ST8SIA5: variants seen among roughly 807,000 people sequenced by gnomAD.
ST8SIA5 encodes the protein alpha-2,8-sialyltransferase 8E.
A neutral mutation model predicts 40.2 loss-of-function variants in ST8SIA5; 24 were observed. That is an observed-to-expected ratio of 0.60 (90% CI 0.43 to 0.84). The LOEUF (loss-of-function observed/expected upper bound fraction) is 0.84. ST8SIA5 is among the 40% of genes least tolerant of loss of function. The pLI, the probability that ST8SIA5 is intolerant of heterozygous loss-of-function variation, is 0.00. For missense variants in ST8SIA5, 465 were observed against 498.5 expected (o/e 0.93, Z 0.64); for synonymous variants, 198 against 201.8 (o/e 0.98, Z 0.16).
chr18:46,719,052 AG>A (rs1599130534), intron 1 of ST8SIA5, among the ~76,000 whole-genome samples: 1 of 152,168 alleles, frequency 6.6e-6, no homozygotes, highest in Non-Finnish European at 1.5e-5. Flanking sequence ...TCCTTCAACT[AG>A]GGGGGTACTT....
At chr18:46,694,716 T>G (rs2144486071) in intron 2 of ST8SIA5, among the ~76,000 whole-genome samples, 1 of 152,146 alleles carries the variant, frequency 6.6e-6, no homozygotes, top group East Asian at 1.9e-4. Context: ...ACTGAAGGGC[T>G]AAAGGAAGTG....
At chr18:46,718,240 G>A (rs2039812943) in intron 1 of ST8SIA5, among the ~76,000 whole-genome samples, 1 of 147,578 alleles carries the variant, frequency 6.8e-6, no homozygotes, top group African/African-American at 2.5e-5. Context: ...TGAGGGAGGA[G>A]AATTGCTTGA....
chr18:46,684,277 G>A (rs1282612204), intron 5 of ST8SIA5, among the ~76,000 whole-genome samples: 2 of 152,140 alleles, frequency 1.3e-5, no homozygotes, highest in Admixed American at 1.3e-4. Flanking sequence ...GACCAGAAGT[G>A]TATCCCATTT....
Position 46,756,716 on chromosome 18 carries a change from G to A in ST8SIA5, c.-208C>T. ...AGGCGCTGGGGCGGCAAGCAGGACA[G>A]GGCCGGTGGCAGGGAGCTCTGCCGC... On this transcript the variant is annotated 5_prime_UTR_variant, in exon 1 of 7. Coordinates refer to ENST00000315087, the MANE Select transcript of ST8SIA5 (RefSeq NM_013305.6). 1 of 548,842 alleles carries A rather than the reference G, an allele frequency of 1.8e-6. No homozygotes were observed. Among genetic ancestry groups the A allele is most frequent in the Non-Finnish European group, 3.1e-6 (1 of 325,978 alleles). The allele number at this position is 548,842 out of a possible 1,614,324, so 34.0% of individuals were successfully genotyped here.
In ST8SIA5 at chr18:46,680,089, T is replaced by C; in HGVS notation, c.1084A>G (p.Ser362Gly). The change falls in exon 7 of 7, where the codon AGC becomes GGC. Residue 362 changes from serine to glycine, a missense_variant. By Grantham distance (56) the Ser-to-Gly change is moderately conservative. Transcript: ENST00000315087. ...SEIFNFLHLH[S>G]RGILRVHTGT... Reference sequence around the variant, plus strand: ...GTGTGCACGCGGAGGATGCCTCGGCTGTGCAAGTGCAGGAAGTTGAAGATC... The same window carrying C: ...GTGTGCACGCGGAGGATGCCTCGGCCGTGCAAGTGCAGGAAGTTGAAGATC... The C allele has an allele frequency of 6.2e-7, 1 of 1,614,052 alleles. No individual in the cohort carries two copies. Among genetic ancestry groups the C allele is most frequent in the Non-Finnish European group, 8.5e-7 (1 of 1,179,988 alleles).
At chr18:46,703,143 T>C (rs573383151) in intron 2 of ST8SIA5, among the ~76,000 whole-genome samples, 9 of 152,196 alleles carry the variant, frequency 5.9e-5, no homozygotes, top group South Asian at 2.1e-4. Flanking sequence ...TCTTTTTTTA[T>C]TTTATTTTAT....
At chr18:46,723,998 G>T (rs1038402953) in intron 1 of ST8SIA5, among the ~76,000 whole-genome samples, 11 of 152,138 alleles carry the variant, frequency 7.2e-5, no homozygotes, top group Non-Finnish European at 1.5e-4. Context: ...TAAGCTAAGG[G>T]AATGGGGCAG....
At chr18:46,707,920 C>A (rs1032884126) in intron 1 of ST8SIA5, among the ~76,000 whole-genome samples, 4 of 152,198 alleles carry the variant, frequency 2.6e-5, no homozygotes, top group African/African-American at 9.7e-5. Context: ...GAACTGTGAG[C>A]AATACATTTC....
At chr18:46,695,086 G>A (rs543509195) in intron 2 of ST8SIA5, among the ~76,000 whole-genome samples, 17 of 151,602 alleles carry the variant, frequency 1.1e-4, no homozygotes, top group African/African-American at 3.6e-4. Context: ...TTGAACCCAG[G>A]AGGTGGAGGT....
chr18:46,734,930 G>C (rs561801758), intron 1 of ST8SIA5, among the ~76,000 whole-genome samples: 2 of 152,368 alleles, frequency 1.3e-5, no homozygotes, highest in South Asian at 2.1e-4. Flanking sequence ...TCCTGAGTGT[G>C]TCTGTGAGAG....
intron 1 of ST8SIA5, among the ~76,000 whole-genome samples, chr18:46,719,502 G>A (rs1017744876): frequency 3.9e-5 from 6 of 152,168 alleles, no homozygotes; most frequent in Non-Finnish European, 8.8e-5. Flanking sequence ...AGGTGAAACC[G>A]TGGAAAGAGG....
intron 1 of ST8SIA5, among the ~76,000 whole-genome samples, chr18:46,728,082 C>A (rs1019285396): frequency 6.6e-6 from 1 of 151,916 alleles, no homozygotes; most frequent in African/African-American, 2.4e-5. Context: ...GTAGTCCCAG[C>A]TACTCAGGAG....
At chr18:46,722,677 C>T (rs77845815) in intron 1 of ST8SIA5, among the ~76,000 whole-genome samples, 13,351 of 152,266 alleles carry the variant, frequency 0.088, 854 homozygotes, top group East Asian at 0.33. Context: ...GAGCAACATC[C>T]CTGCTCTCTA....
chr18:46,744,744 T>C (rs1340465506), intron 1 of ST8SIA5, among the ~76,000 whole-genome samples: 2 of 152,050 alleles, frequency 1.3e-5, no homozygotes, highest in Admixed American at 6.6e-5. Context: ...CTCTCCACCC[T>C]AAATCAACAG....
chr18:46,680,908 T>C (rs2039388271), intron 6 of ST8SIA5, among the ~76,000 whole-genome samples: 1 of 152,178 alleles, frequency 6.6e-6, no homozygotes, highest in Non-Finnish European at 1.5e-5. Context: ...AAACCCCAAA[T>C]GCAGCTGCCT....
intron 1 of ST8SIA5, among the ~76,000 whole-genome samples, chr18:46,710,401 TTC>T (rs1265957006): frequency 4.2e-5 from 5 of 119,016 alleles, no homozygotes; most frequent in East Asian, 6.4e-4. Flanking sequence ...CTTTCTTTCT[TTC>T]TTTCTTTCTT....
chr18:46,725,964 AAAAAAAAAATATAT>A (rs1317181645), intron 1 of ST8SIA5, among the ~76,000 whole-genome samples: 1 of 43,772 alleles, frequency 2.3e-5, no homozygotes, highest in African/African-American at 1.2e-4. Flanking sequence ...CTACTTAAAA[AAAAAAAAAATATAT>A]ATATATATAT....
chr18:46,730,239 A>G, intron 1 of ST8SIA5: 1 of 985,258 alleles, frequency 1.0e-6, no homozygotes, highest in Non-Finnish European at 1.2e-6. Flanking sequence ...AGATTCTTGG[A>G]TAGGGGGGCT....
chr18:46,732,658 G>T (rs2144547429), intron 1 of ST8SIA5, among the ~76,000 whole-genome samples: 1 of 152,244 alleles, frequency 6.6e-6, no homozygotes, highest in East Asian at 1.9e-4. Flanking sequence ...AATAAAAGAA[G>T]AAAATCATTC....
Sources: allele counts gnomAD v4.1 joint callset (sites outside exome capture counted in the v4.1 genomes callset), GRCh38; gene constraint gnomAD v4.1.1; transcripts MANE v1.5; gene names NCBI Gene and HGNC (gene_info 2026-07-23, HGNC 2026-07-21).